NLRP1: variants seen among roughly 807,000 people sequenced by gnomAD.
The protein encoded by NLRP1 is NLR family pyrin domain containing 1.
NLRP1 carries 94 observed loss-of-function variants against 136.7 expected under a neutral mutation model. The observed-to-expected ratio is 0.69, with a 90% CI of 0.58 to 0.82. The LOEUF (loss-of-function observed/expected upper bound fraction) is 0.82. Among genes scored for constraint, NLRP1 ranks in the 40% least tolerant of loss-of-function variants. NLRP1 has a pLI of 0.00. For synonymous variants in NLRP1, 690 were observed against 725.1 expected (o/e 0.95, Z 0.78); for missense variants, 1,575 against 1,802.7 (o/e 0.87, Z 2.29).
At chr17:5,536,306 A>G (rs1397895830) in intron 8 of NLRP1, among the ~76,000 whole-genome samples, 2 of 151,468 alleles carry the variant, frequency 1.3e-5, no homozygotes, top group African/African-American at 4.9e-5. Flanking sequence ...GCGTCACCAC[A>G]CCCAGCTAAT....
At chr17:5,576,311 C>T (rs910004934) in intron 3 of NLRP1, among the ~76,000 whole-genome samples, 9 of 152,088 alleles carry the variant, frequency 5.9e-5, no homozygotes, top group Admixed American at 3.3e-4. Context: ...CACAAAAAAC[C>T]TTTCAAAAAA....
At chr17:5,557,170 A>AT (rs1215914331) in intron 4 of NLRP1, among the ~76,000 whole-genome samples, 1 of 151,070 alleles carries the variant, frequency 6.6e-6, no homozygotes, top group Non-Finnish European at 1.5e-5. Flanking sequence ...TGCCCAGATA[A>AT]TTTTTGTATT....
chr17:5,559,033 G>A lies in NLRP1; in HGVS notation c.1663C>T (p.Leu555Phe). The change falls in exon 4 of 17, where the codon CTT (leucine) becomes TTT (phenylalanine). Residue 555 changes from leucine (L) to phenylalanine (F), a missense_variant. Coordinates refer to ENST00000572272, the MANE Select transcript of NLRP1 (RefSeq NM_033004.4). ...KTTTTLCLHY[L>F]AQALQAQPLG... ...GGCTGAGCTTGGAGAGCCTGGGCAAGGTAATGTAGACAGAGGGTTGTGGTG... is the reference window on the plus strand; with the variant it reads ...GGCTGAGCTTGGAGAGCCTGGGCAAAGTAATGTAGACAGAGGGTTGTGGTG... 6.2e-7 allele frequency: 1 copy of A among 1,614,156 alleles called. No individual in the cohort carries two copies. Among genetic ancestry groups the A allele is most frequent in the Non-Finnish European group, 8.5e-7 (1 of 1,180,020 alleles).
chr17:5,576,943 T>C (rs556875579), intron 3 of NLRP1, among the ~76,000 whole-genome samples: 1 of 152,264 alleles, frequency 6.6e-6, no homozygotes, highest in Admixed American at 6.5e-5. Context: ...CCTGGGATGC[T>C]AAGGCTGGTT....
Position 5,583,943 on chromosome 17 carries a change from G to C in NLRP1, c.15C>G (p.Ala5=). The stretch of plus-strand genomic sequence containing the variant: ...CCAAGTAACAGGCCAGGCGGCCCCA[G>C]GCTCCGCCAGCCATCTCTGTCCCGG... MAGG[A]WGRLACYLEF... Residue 5 remains alanine (A), a synonymous_variant, in exon 1 of 17, where the codon GCC becomes GCG. Transcript: ENST00000572272. This position sits in a 1 kb window ranked among gnomAD's most constrained non-coding sequence, Gnocchi z 4.5. The C allele has an allele frequency of 1.9e-6, 3 of 1,609,302 alleles. No homozygotes were observed. The highest frequency in any genetic ancestry group is 2.5e-6 in the Non-Finnish European group (3 of 1,177,822).
chr17:5,558,767 T>C lies in NLRP1; in HGVS notation c.1929A>G (p.Arg643=), dbSNP rs201014156. ...MSYVLEDEKG[R]GKHSNCIIDL... ...CTATGATGCAATTAGAATGTTTACC[T>C]CTCCCCTTCTCATCCTCCAAGACAT... Residue 643 remains arginine (R), a synonymous_variant, in exon 4 of 17, where the codon AGA becomes AGG. Transcript: ENST00000572272. The C allele has an allele frequency of 4.2e-5, 67 of 1,614,010 alleles. No individual in the cohort carries two copies. The East Asian group carries it at 1.5e-3, about 36-fold the overall frequency.
chr17:5,508,035 G>A (rs184737874), intron 15 of NLRP1, among the ~76,000 whole-genome samples: 3 of 152,340 alleles, frequency 2.0e-5, no homozygotes, highest in Admixed American at 2.0e-4. Context: ...TCAGGAGGCT[G>A]AGGCAGGAGA....
downstream of NLRP1, among the ~76,000 whole-genome samples, chr17:5,509,797 G>A (rs887357145): frequency 2.6e-5 from 4 of 151,726 alleles, no homozygotes; most frequent in Non-Finnish European, 5.9e-5. Context: ...GAGTCACCTC[G>A]CCCAGCCAAA....
Position 5,583,862 on chromosome 17 carries a change from C to T in NLRP1, c.96G>A (p.Ala32=), listed in dbSNP as rs200225132. 24 of 1,581,248 alleles carry T rather than the reference C, an allele frequency of 1.5e-5. No homozygotes were observed. Among genetic ancestry groups the T allele is most frequent in the African/African-American group, 2.7e-5 (2 of 74,568 alleles). The change falls in exon 1 of 17, where the codon GCG becomes GCA. Residue 32 remains alanine (A), a synonymous_variant. Transcript: ENST00000572272. This position sits in a 1 kb window ranked among gnomAD's most constrained non-coding sequence, Gnocchi z 4.5. ...KEFQLLLANK[A]HSRSSSGETP... is the part of the protein sequence containing the mutation. Reference sequence around the variant, plus strand: ...TCTCACCCGAAGAGCTCCTGGAGTGCGCTTTATTGGCGAGCAGAAGCTGGA... The same window carrying T: ...TCTCACCCGAAGAGCTCCTGGAGTGTGCTTTATTGGCGAGCAGAAGCTGGA...
intron 3 of NLRP1, among the ~76,000 whole-genome samples, chr17:5,564,067 T>C (rs892541608): frequency 1.3e-5 from 2 of 152,190 alleles, no homozygotes; most frequent in Admixed American, 1.3e-4. Flanking sequence ...TTTAAAAATT[T>C]TGTGGATATG....
Position 5,559,300 on chromosome 17 carries a change from G to C in NLRP1, c.1396C>G (p.Leu466Val). The C allele has an allele frequency of 6.2e-7, 1 of 1,614,228 alleles. No homozygotes were observed. The highest frequency in any genetic ancestry group is 8.5e-7 in the Non-Finnish European group (1 of 1,180,036). The stretch of plus-strand genomic sequence containing the variant: ...CGTGCCTGCTCCAAAGAAGGAATGA[G>C]GTTCTGCAGAGCTGTGGTCCGAGCC... ...ITARTTALQNLIPSLEQARWV... is the reference protein window; with the variant it reads ...ITARTTALQNVIPSLEQARWV... Residue 466 changes from leucine (L) to valine (V), a missense_variant, in exon 4 of 17, where the codon CTC becomes GTC. Transcript: ENST00000572272.
intron 3 of NLRP1, among the ~76,000 whole-genome samples, chr17:5,562,058 C>T (rs150844140): frequency 9.7e-4 from 148 of 152,312 alleles, no homozygotes; most frequent in African/African-American, 3.3e-3. Context: ...GTGCAGCCTC[C>T]TGTTACTGCC....
At chr17:5,507,558 T>C (rs989144391) in intron 15 of NLRP1, among the ~76,000 whole-genome samples, 1 of 151,980 alleles carries the variant, frequency 6.6e-6, no homozygotes, top group African/African-American at 2.4e-5. Flanking sequence ...GGCTGGGTGT[T>C]GTGGCTCACG....
chr17:5,508,555 G>A (rs1375644624), intron 15 of NLRP1, among the ~76,000 whole-genome samples: 1 of 152,184 alleles, frequency 6.6e-6, no homozygotes, highest in Non-Finnish European at 1.5e-5. Flanking sequence ...ATAACGAAAA[G>A]CTCTCTGCAG....
intron 3 of NLRP1, among the ~76,000 whole-genome samples, chr17:5,566,730 G>A (rs1322839941): frequency 6.6e-6 from 1 of 152,076 alleles, no homozygotes; most frequent in African/African-American, 2.4e-5. Context: ...TTTTCTGTCT[G>A]GAAGATACGT....
chr17:5,502,118 G>C, intron 15 of NLRP1: 1 of 445,256 alleles, frequency 2.2e-6, no homozygotes, highest in South Asian at 2.1e-5. Flanking sequence ...GAGCCTACTA[G>C]GTAGTGGTAG....
At chr17:5,566,378 A>C (rs753036559) in intron 3 of NLRP1, among the ~76,000 whole-genome samples, 10 of 151,954 alleles carry the variant, frequency 6.6e-5, no homozygotes, top group Non-Finnish European at 1.2e-4. Context: ...TGTTTCAAGA[A>C]ATTTTTCTTT....
At chr17:5,534,854 T>C (rs972217049) in intron 8 of NLRP1, among the ~76,000 whole-genome samples, 1 of 135,642 alleles carries the variant, frequency 7.4e-6, no homozygotes, top group African/African-American at 2.8e-5. Context: ...CTGGGCCACT[T>C]TTTCCTGGCT....
chr17:5,542,691 TGAGG>T (rs752418715), intron 5 of NLRP1, among the ~76,000 whole-genome samples: 7 of 152,092 alleles, frequency 4.6e-5, no homozygotes, highest in Non-Finnish European at 1.0e-4. Context: ...GTAAGCTCCT[TGAGG>T]AAGGAATTTT....
Sources: gnomAD v4.1 joint callset for allele counts (sites outside exome capture counted in the v4.1 genomes callset) on GRCh38, gnomAD v4.1.1 for gene constraint, Gnocchi (gnomAD v3.1) non-coding constraint, MANE v1.5 for transcripts, NCBI Gene and HGNC (gene_info 2026-07-23, HGNC 2026-07-21) for gene names.